DHX35: variants seen among roughly 807,000 people sequenced by gnomAD.
DHX35 encodes DEAH-box helicase 35.
In DHX35, 84 loss-of-function variants were observed where a neutral mutation model predicts 99.6. The observed-to-expected ratio is 0.84, with a 90% CI of 0.71 to 1.01. DHX35 has a LOEUF of 1.01. Ranked by LOEUF, DHX35 falls within the 50% of genes least tolerant of loss-of-function variation. The pLI is 0.00. For synonymous variants in DHX35, 331 were observed against 316.2 expected, an observed-to-expected ratio of 1.05 and a Z score of -0.50; for missense variants, 852 against 888.5, an observed-to-expected ratio of 0.96 and a Z score of 0.52.
At chr20:39,017,373 C>A (rs1365641167) in intron 14 of DHX35, among the ~76,000 whole-genome samples, 1 of 152,026 alleles carries the variant, frequency 6.6e-6, no homozygotes, top group Non-Finnish European at 1.5e-5. Flanking sequence ...CCCTTCTTCT[C>A]AAGCATGTAA....
intron 7 of DHX35, among the ~76,000 whole-genome samples, chr20:38,994,412 T>G (rs944668219): frequency 6.6e-5 from 10 of 152,146 alleles, no homozygotes; most frequent in Non-Finnish European, 2.9e-5. Context: ...TTTTGCCATA[T>G]TTCTGTCTTG....
chr20:39,027,658 A>G (rs1005172260), intron 18 of DHX35, among the ~76,000 whole-genome samples: 1 of 152,222 alleles, frequency 6.6e-6, no homozygotes, highest in African/African-American at 2.4e-5. Context: ...CATTGGATCT[A>G]AGATACCATC....
intron 18 of DHX35, among the ~76,000 whole-genome samples, chr20:39,026,886 T>A (rs1469736486): frequency 6.6e-6 from 1 of 152,168 alleles, no homozygotes; most frequent in Non-Finnish European, 1.5e-5. Flanking sequence ...ACCCAGCAGG[T>A]AGATGACAGC....
At chr20:38,969,356 A>G in intron 2 of DHX35, 142 bp downstream of exon 2, 1 of 1,035,992 alleles carries the variant, frequency 9.7e-7, no homozygotes, top group Non-Finnish European at 1.3e-6. Context: ...ATGACTTTTC[A>G]TACTGTGTAT....
At chr20:38,977,454 C>T (rs2086099030) in intron 3 of DHX35, among the ~76,000 whole-genome samples, 1 of 151,882 alleles carries the variant, frequency 6.6e-6, no homozygotes, top group East Asian at 1.9e-4. Context: ...TATTAAAATA[C>T]TGAGTTTTAT....
chr20:38,977,349 T>C (rs2086096888), intron 3 of DHX35, among the ~76,000 whole-genome samples: 1 of 152,334 alleles, frequency 6.6e-6, no homozygotes, highest in South Asian at 2.1e-4. Flanking sequence ...TGATTAGTGA[T>C]GTTGAGCATT....
intron 1 of DHX35, among the ~76,000 whole-genome samples, chr20:38,967,136 GA>G (rs1181817539): frequency 1.6e-3 from 1 of 638 alleles, no homozygotes; most frequent in Non-Finnish European, 3.6e-3. Flanking sequence ...GGGGTCTACG[GA>G]CCCCCCCGAA....
intron 21 of DHX35, among the ~76,000 whole-genome samples, chr20:39,036,477 G>A (rs2087152856): frequency 6.6e-6 from 1 of 152,166 alleles, no homozygotes; most frequent in East Asian, 1.9e-4. Flanking sequence ...TGTAATCCCA[G>A]CACTTTGGGA....
chr20:39,026,014 A>T lies in DHX35; in HGVS notation c.1801+655A>T, dbSNP rs150103600. Among the ~76,000 whole-genome samples, 495 of 152,306 alleles carry T rather than the reference A, an allele frequency of 3.3e-3. 4 individuals carry two copies. Among genetic ancestry groups the T allele is most frequent in the African/African-American group, 0.011 (473 of 41,546 alleles). ...TTAAATTCAGGACCACGCAACTGGT[A>T]AGGAGGAGAGCCAGATCTGTATGTG... On this transcript the variant is annotated intron_variant, in intron 18 of 21. Transcript: ENST00000252011.
At chr20:39,017,580 G>A (rs897112989) in intron 14 of DHX35, among the ~76,000 whole-genome samples, 1 of 152,056 alleles carries the variant, frequency 6.6e-6, no homozygotes, top group Non-Finnish European at 1.5e-5. Context: ...AGCTTCATTT[G>A]ATTTCAAGCT....
chr20:38,971,873 C>T (rs898974299), intron 2 of DHX35, among the ~76,000 whole-genome samples: 4 of 151,942 alleles, frequency 2.6e-5, no homozygotes, highest in African/African-American at 9.7e-5. Context: ...TTTTGTTGAT[C>T]AACATTTAGG....
At chr20:39,011,106 A>G (rs1195993015) in intron 13 of DHX35, among the ~76,000 whole-genome samples, 2 of 151,994 alleles carry the variant, frequency 1.3e-5, no homozygotes, top group Non-Finnish European at 2.9e-5. Context: ...TTATAAAAAC[A>G]TTTATTAGTC....
At chr20:39,022,035 C>A in intron 16 of DHX35, 100 bp downstream of exon 16, 1 of 1,122,026 alleles carries the variant, frequency 8.9e-7, no homozygotes, top group Non-Finnish European at 1.3e-6. Context: ...CAGAGCTGTA[C>A]AAATGTGATC....
Position 38,962,354 on chromosome 20 carries a change from C to A in DHX35, c.-14C>A. On this transcript the variant is annotated 5_prime_UTR_variant, in exon 1 of 22. Transcript: ENST00000252011. ...CGGTGGGGTGGAGCTAGCCTCGTGA[C>A]CTTTTACCCCAACATGGCTGCGCCC... 6.2e-7 allele frequency: 1 copy of A among 1,611,764 alleles called. No homozygotes were observed. Among genetic ancestry groups the A allele is most frequent in the Non-Finnish European group, 8.5e-7 (1 of 1,178,912 alleles).
intron 14 of DHX35, among the ~76,000 whole-genome samples, chr20:39,015,808 A>G (rs1438731289): frequency 6.6e-6 from 1 of 152,170 alleles, no homozygotes; most frequent in Non-Finnish European, 1.5e-5. Flanking sequence ...TCATCACCCA[A>G]AAAAGAAATC....
chr20:39,033,906 A>G (rs1270844688), intron 20 of DHX35, among the ~76,000 whole-genome samples: 3 of 152,190 alleles, frequency 2.0e-5, no homozygotes, highest in African/African-American at 7.2e-5. Context: ...TAATAAAGTC[A>G]TTAGGCTCAG....
At chr20:38,994,647 A>C (rs2086398057) in intron 7 of DHX35, among the ~76,000 whole-genome samples, 174 bp from the exon 8 acceptor site, 1 of 88,628 alleles carries the variant, frequency 1.1e-5, no homozygotes, top group Non-Finnish European at 2.3e-5. Flanking sequence ...CCCCCCCTTT[A>C]TTGACAATTA....
chr20:39,026,794 T>C lies in DHX35; in HGVS notation c.1801+1435T>C, dbSNP rs929494894. ...GAGGGAAGAGTTGAAACCTGGGCCA[T>C]TGAGCCATGTTGGAGTCATTGATAG... On this transcript the variant is annotated intron_variant, in intron 18 of 21. Transcript: ENST00000252011. 3.9e-5 allele frequency among the ~76,000 whole-genome samples: 6 copies of C among 152,102 alleles called. No individual in the cohort carries two copies. The East Asian group carries it at 5.8e-4, about 15-fold the overall frequency.
intron 3 of DHX35, among the ~76,000 whole-genome samples, chr20:38,976,759 C>A (rs1012824450): frequency 1.4e-4 from 22 of 152,134 alleles, no homozygotes; most frequent in African/African-American, 5.3e-4. Context: ...TCCCTGTTCC[C>A]CTCTTCCCTC....
Sources: allele counts gnomAD v4.1 joint callset (sites outside exome capture counted in the v4.1 genomes callset), GRCh38; gene constraint gnomAD v4.1.1; transcripts MANE v1.5; gene names NCBI Gene and HGNC (gene_info 2026-07-23, HGNC 2026-07-21).